The following GLRB variants were observed in gnomAD, a reference collection of about 807,000 sequenced individuals.
GLRB encodes glycine receptor subunit beta.
A neutral mutation model predicts 54.2 loss-of-function variants in GLRB; 33 were observed. The ratio of observed to expected loss-of-function variants is 0.61; its 90% CI spans 0.46 to 0.81. The LOEUF (loss-of-function observed/expected upper bound fraction) is 0.81. Among genes scored for constraint, GLRB ranks in the 40% least tolerant of loss-of-function variants. The pLI is 0.00. For missense variants in GLRB, 572 were observed against 584.6 expected, an observed-to-expected ratio of 0.98 and a Z score of 0.22; for synonymous variants, 209 against 208.2, an observed-to-expected ratio of 1.00 and a Z score of -0.03.
chr4:157,108,889 C>T (rs1160668362), intron 2 of GLRB, among the ~76,000 whole-genome samples: 1 of 152,030 alleles, frequency 6.6e-6, no homozygotes, highest in Admixed American at 6.6e-5. Flanking sequence ...GCCACAGCCA[C>T]CCCAGCCTTC....
At chr4:157,081,944 C>T (rs530406708) in intron 2 of GLRB, among the ~76,000 whole-genome samples, 4 of 152,236 alleles carry the variant, frequency 2.6e-5, no homozygotes, top group South Asian at 2.1e-4. Context: ...TTCCCCATCC[C>T]GACCCCTGCC....
chr4:157,120,724 A>G (rs1254637788), intron 3 of GLRB, 62 bp downstream of exon 3: 7 of 791,048 alleles, frequency 8.8e-6, no homozygotes, highest in South Asian at 2.8e-5. Flanking sequence ...ATATGTTTAG[A>G]GATTTGTGAT....
rs572032612 is a variant in GLRB at position 157,137,412 on chromosome 4, T to G, written c.610+526T>G. 1.3e-3 allele frequency among the ~76,000 whole-genome samples: 195 copies of G among 152,150 alleles called. 1 individual carries two copies. Among genetic ancestry groups the G allele is most frequent in the African/African-American group, 4.5e-3 (187 of 41,552 alleles). On this transcript the variant is annotated intron_variant, in intron 6 of 9. Transcript: ENST00000264428. ...TAGGTGTATTAATTGAAATTATTAT[T>G]TATCTATACAATGTACTAATTAATT...
chr4:157,139,594 C>A (rs960974093), intron 7 of GLRB, among the ~76,000 whole-genome samples: 2 of 151,910 alleles, frequency 1.3e-5, no homozygotes, highest in African/African-American at 4.8e-5. Context: ...AGTGTTCAAC[C>A]TTTTATTTTC....
intron 4 of GLRB, among the ~76,000 whole-genome samples, chr4:157,135,873 C>T (rs529612819): frequency 6.6e-6 from 1 of 152,196 alleles, no homozygotes; most frequent in South Asian, 2.1e-4. Context: ...ATGCTTGAAA[C>T]TAATGTGTGT....
At chr4:157,144,891 G>T (rs907503309) in intron 8 of GLRB, among the ~76,000 whole-genome samples, 1 of 152,134 alleles carries the variant, frequency 6.6e-6, no homozygotes, top group African/African-American at 2.4e-5. Flanking sequence ...ATCTGAAGAA[G>T]AAATTTGTTT....
chr4:157,085,316 C>T (rs1734368768), intron 2 of GLRB, among the ~76,000 whole-genome samples: 1 of 152,052 alleles, frequency 6.6e-6, no homozygotes, highest in Admixed American at 6.5e-5. Flanking sequence ...TCATAGCTAA[C>T]TGCCGCCTCC....
intron 7 of GLRB, among the ~76,000 whole-genome samples, chr4:157,139,485 A>G (rs1440465795): frequency 6.6e-6 from 1 of 152,066 alleles, no homozygotes; most frequent in Non-Finnish European, 1.5e-5. Flanking sequence ...CAGAACAGCC[A>G]ATTATGAAAA....
At chr4:157,120,529 T>A in intron 2 of GLRB, 27 bp from the exon 3 acceptor site, 1 of 1,233,732 alleles carries the variant, frequency 8.1e-7, no homozygotes, top group Non-Finnish European at 1.2e-6. Context: ...TTATAACTAC[T>A]TATCAGGATT....
chr4:157,089,496 T>A (rs1158977169), intron 2 of GLRB, among the ~76,000 whole-genome samples: 1 of 152,200 alleles, frequency 6.6e-6, no homozygotes, highest in Non-Finnish European at 1.5e-5. Flanking sequence ...CAGTAAGGGC[T>A]AGCTATCTTC....
At chr4:157,126,417 T>C (rs1197299220) in intron 4 of GLRB, among the ~76,000 whole-genome samples, 1 of 151,820 alleles carries the variant, frequency 6.6e-6, no homozygotes, top group African/African-American at 2.4e-5. Context: ...ATAGTTCCTA[T>C]TTCTCATGTC....
At chr4:157,083,367 G>A (rs142046505) in intron 2 of GLRB, among the ~76,000 whole-genome samples, 62 of 150,454 alleles carry the variant, frequency 4.1e-4, no homozygotes, top group Non-Finnish European at 6.3e-4. Flanking sequence ...TAGAAGCTAC[G>A]GGGAGGGATA....
At chr4:157,078,526 AAATATTTAAT>A (rs1431311661) in intron 2 of GLRB, among the ~76,000 whole-genome samples, 2 of 152,078 alleles carry the variant, frequency 1.3e-5, no homozygotes, top group Non-Finnish European at 2.9e-5. Context: ...AAAAACCCTA[AAATATTTAAT>A]AATATTTTAT....
chr4:157,151,866 C>T (rs1327006297), intron 8 of GLRB, among the ~76,000 whole-genome samples: 1 of 152,098 alleles, frequency 6.6e-6, no homozygotes, highest in African/African-American at 2.4e-5. Context: ...TTTTCTATTT[C>T]AAGTAAAGTG....
chr4:157,143,931 G>C lies in GLRB; in HGVS notation c.876G>C (p.Pro292=), dbSNP rs775656621. The change falls in exon 8 of 10, where the codon CCG becomes CCC. Residue 292 remains proline, a synonymous_variant. Coordinates refer to ENST00000264428, the MANE Select transcript of GLRB (RefSeq NM_000824.5). The part of the protein sequence containing the change: ...VLSWLSFWIN[P]DASAARVPLG... Reference sequence around the variant, plus strand: ...CCTGGCTTTCCTTCTGGATCAACCCGGACGCGAGTGCTGCCAGAGTGCCCC... The same window carrying C: ...CCTGGCTTTCCTTCTGGATCAACCCCGACGCGAGTGCTGCCAGAGTGCCCC... 3 of 1,614,008 alleles carry C rather than the reference G, an allele frequency of 1.9e-6. No individual in the cohort carries two copies. Among genetic ancestry groups the C allele is most frequent in the Non-Finnish European group, 2.5e-6 (3 of 1,179,980 alleles).
At chr4:157,109,747 T>C (rs1735349350) in intron 2 of GLRB, among the ~76,000 whole-genome samples, 1 of 152,022 alleles carries the variant, frequency 6.6e-6, no homozygotes, top group African/African-American at 2.4e-5. Context: ...GTTTGATTAA[T>C]ATGCTAGAGC....
At chr4:157,088,852 T>C (rs1176138692) in intron 2 of GLRB, among the ~76,000 whole-genome samples, 2 of 152,122 alleles carry the variant, frequency 1.3e-5, no homozygotes, top group African/African-American at 2.4e-5. Context: ...CCTGGAAAAA[T>C]GTATATAGTT....
intron 4 of GLRB, among the ~76,000 whole-genome samples, chr4:157,131,635 T>C (rs1736219102): frequency 6.6e-6 from 1 of 151,850 alleles, no homozygotes; most frequent in African/African-American, 2.4e-5. Context: ...ACTGTCTCCA[T>C]AGTTTTGCCT....
intron 4 of GLRB, among the ~76,000 whole-genome samples, chr4:157,133,557 C>G (rs945148622): frequency 1.3e-5 from 2 of 151,708 alleles, no homozygotes; most frequent in Non-Finnish European, 2.9e-5. Flanking sequence ...TTTTTAAAAG[C>G]AAGGGGAGCT....
Sources: allele counts gnomAD v4.1 joint callset (sites outside exome capture counted in the v4.1 genomes callset), GRCh38; gene constraint gnomAD v4.1.1; transcripts MANE v1.5; gene names NCBI Gene and HGNC (gene_info 2026-07-23, HGNC 2026-07-21).